VRK2: variants seen among roughly 807,000 people sequenced by gnomAD.
VRK2 encodes the protein VRK serine/threonine kinase 2.
Under a neutral mutation model 57.6 loss-of-function variants are expected in VRK2, and 60 were observed. The observed-to-expected ratio is 1.04, with a 90% CI of 0.85 to 1.29. The LOEUF is 1.29. Among genes scored for constraint, VRK2 ranks in the 50% most tolerant of loss-of-function variants. The pLI is 0.00. For synonymous variants in VRK2, 231 were observed against 199.2 expected (o/e 1.16, Z -1.35); for missense variants, 705 against 588.1 (o/e 1.20, Z -2.06).
intron 2 of VRK2, among the ~76,000 whole-genome samples, chr2:58,059,460 A>G (rs968919186): frequency 2.6e-5 from 4 of 151,940 alleles, no homozygotes; most frequent in African/African-American, 7.2e-5. Flanking sequence ...ATTCTTGACT[A>G]TATTTTTTCA....
intron 12 of VRK2, among the ~76,000 whole-genome samples, chr2:58,149,595 G>A (rs1295350340): frequency 6.6e-6 from 1 of 151,486 alleles, no homozygotes; most frequent in Non-Finnish European, 1.5e-5. Flanking sequence ...AGTTGTGACA[G>A]TGGCCATCCT....
At chr2:58,045,812 G>C (rs146694792), upstream of VRK2, among the ~76,000 whole-genome samples, 137 of 152,178 alleles carry the variant, frequency 9.0e-4, no homozygotes, top group East Asian at 0.011. Context: ...CATTTGTTTG[G>C]TTTAGTCTAA....
intron 1 of VRK2, among the ~76,000 whole-genome samples, chr2:57,991,615 C>A (rs997484049): frequency 6.6e-6 from 1 of 151,984 alleles, no homozygotes; most frequent in Non-Finnish European, 1.5e-5. Context: ...TGTTAGTGAA[C>A]TATTCCCTAG....
chr2:58,136,377 T>C (rs1680008965), intron 10 of VRK2, among the ~76,000 whole-genome samples: 1 of 150,950 alleles, frequency 6.6e-6, no homozygotes, highest in Non-Finnish European at 1.5e-5. Flanking sequence ...ATGGCTAATA[T>C]TCTTAATGGC....
chr2:58,099,468 A>G (rs1405161219), intron 7 of VRK2, among the ~76,000 whole-genome samples: 1 of 152,004 alleles, frequency 6.6e-6, no homozygotes, highest in Non-Finnish European at 1.5e-5. Context: ...CAGCATGTGT[A>G]TTTGTATTCC....
intron 12 of VRK2, among the ~76,000 whole-genome samples, chr2:58,147,487 T>C (rs1184034464): frequency 6.6e-6 from 1 of 151,930 alleles, no homozygotes; most frequent in Admixed American, 6.6e-5. Flanking sequence ...TAAAAATCTC[T>C]AGTTGAGAGA....
intron 1 of VRK2, among the ~76,000 whole-genome samples, chr2:57,924,135 A>G (rs573774991): frequency 2.0e-5 from 3 of 152,164 alleles, no homozygotes; most frequent in Admixed American, 2.0e-4. Context: ...CCTCTGCTGT[A>G]TACTTTGAAG....
At chr2:57,961,062 G>T (rs577770960) in intron 1 of VRK2, among the ~76,000 whole-genome samples, 34 of 152,256 alleles carry the variant, frequency 2.2e-4, no homozygotes, top group Admixed American at 1.1e-3. Context: ...TCATCAAAGA[G>T]TTTACTTCCT....
intron 11 of VRK2, among the ~76,000 whole-genome samples, chr2:58,141,876 C>G (rs1202287089): frequency 6.6e-6 from 1 of 151,932 alleles, no homozygotes; most frequent in African/African-American, 2.4e-5. Flanking sequence ...TAACAAAAAT[C>G]ATTCCAAAAT....
In VRK2 at chr2:58,037,348, T is replaced by C. The variant is rs140939869; in HGVS notation, c.-6+3795T>C. Among the ~76,000 whole-genome samples the C allele has an allele frequency of 4.2e-4, 64 of 152,172 alleles. No individual in the cohort carries two copies. The East Asian group carries it at 0.012, about 28-fold the overall frequency. On this transcript the variant is annotated intron_variant, in intron 3 of 15. Transcript: ENST00000417641. The stretch of plus-strand genomic sequence containing the variant: ...TTTATCAAGTACTCAAGATCCTATA[T>C]AATTTTAGTTGAGACAAACTGAGCT...
chr2:57,941,430 C>A (rs1671090764), intron 1 of VRK2, among the ~76,000 whole-genome samples: 1 of 152,100 alleles, frequency 6.6e-6, no homozygotes, highest in Admixed American at 6.6e-5. Context: ...ATAAAAAACA[C>A]CCTTGCTTTA....
Position 58,032,653 on chromosome 2 carries a change from C to G in VRK2, c.-332-574C>G, listed in dbSNP as rs1674152163. ...AAATCTTGAGATAAAGGGGTGCTAG[C>G]TGGGACAGCCTAGGCTTTGTTCCAG... On this transcript the variant is annotated intron_variant, in intron 2 of 15. Coordinates refer to the VRK2 transcript ENST00000417641. Among the ~76,000 whole-genome samples, 3 of 152,108 alleles carry G rather than the reference C, an allele frequency of 2.0e-5. No homozygotes were observed. The South Asian group carries it at 6.2e-4, about 31-fold the overall frequency.
intron 11 of VRK2, among the ~76,000 whole-genome samples, chr2:58,144,253 T>C (rs1681784215): frequency 1.3e-5 from 2 of 151,688 alleles, no homozygotes; most frequent in Non-Finnish European, 2.9e-5. Context: ...CTGGGGAAAA[T>C]GGGGAGATGC....
intron 1 of VRK2, among the ~76,000 whole-genome samples, chr2:58,006,010 C>T (rs1463524365): frequency 6.6e-6 from 1 of 152,164 alleles, no homozygotes; most frequent in African/African-American, 2.4e-5. Flanking sequence ...ACCCACCCCA[C>T]CACCTCTCTT....
At chr2:58,123,619 T>A (rs1677860915) in intron 8 of VRK2, among the ~76,000 whole-genome samples, 1 of 152,118 alleles carries the variant, frequency 6.6e-6, no homozygotes, top group Non-Finnish European at 1.5e-5. Flanking sequence ...CCCAGCACTT[T>A]GGGAGGCTGA....
At chr2:58,105,957 G>A (rs1050726796) in intron 7 of VRK2, among the ~76,000 whole-genome samples, 7 of 151,990 alleles carry the variant, frequency 4.6e-5, no homozygotes, top group Middle Eastern at 3.4e-3. Flanking sequence ...CTAACATTTT[G>A]TGAGTGTCTG....
chr2:58,067,888 CT>C (rs536480815), intron 2 of VRK2, among the ~76,000 whole-genome samples: 85 of 151,582 alleles, frequency 5.6e-4, no homozygotes, highest in African/African-American at 1.9e-3. Flanking sequence ...TCCTCAATAT[CT>C]TTTTTTCTTT....
intron 1 of VRK2, among the ~76,000 whole-genome samples, chr2:57,990,209 G>A (rs77622099): frequency 0.067 from 10,260 of 152,240 alleles, 394 homozygotes; most frequent in Non-Finnish European, 0.087. Context: ...TTTCTGAAAA[G>A]GGGGTAGGAA....
chr2:58,146,282 T>G, intron 11 of VRK2, 34 bp from the exon 12 acceptor site: 1 of 1,530,882 alleles, frequency 6.5e-7, no homozygotes, highest in Non-Finnish European at 8.8e-7. Flanking sequence ...CCAAAAGTTT[T>G]CATTATATAT....
Sources: allele counts gnomAD v4.1 joint callset (sites outside exome capture counted in the v4.1 genomes callset), GRCh38; gene constraint gnomAD v4.1.1; transcripts MANE v1.5; gene names NCBI Gene and HGNC (gene_info 2026-07-23, HGNC 2026-07-21).